The following GRM7 variants were observed in gnomAD, a reference collection of about 807,000 sequenced individuals.
GRM7 encodes the protein metabotropic glutamate receptor 7.
Under a neutral mutation model 84.5 loss-of-function variants are expected in GRM7, and 35 were observed. That is an observed-to-expected ratio of 0.41 (90% CI 0.32 to 0.55). The LOEUF (loss-of-function observed/expected upper bound fraction) is 0.55, where lower values mean the gene tolerates loss of function less well. Among genes scored for constraint, GRM7 ranks in the 20% least tolerant of loss-of-function variants. The pLI is 0.19. For synonymous variants in GRM7, 487 were observed against 455.1 expected (o/e 1.07, Z -0.89); for missense variants, 1,003 against 1,194.6 (o/e 0.84, Z 2.36).
At chr3:7,067,279 T>C (rs992158267) in intron 1 of GRM7, among the ~76,000 whole-genome samples, 1 of 151,876 alleles carries the variant, frequency 6.6e-6, no homozygotes, top group African/African-American at 2.4e-5. Flanking sequence ...CCCTACGGAC[T>C]CCTCCAGAAA....
At chr3:7,584,073 G>C (rs907359162) in intron 8 of GRM7, among the ~76,000 whole-genome samples, 3 of 152,182 alleles carry the variant, frequency 2.0e-5, no homozygotes, top group African/African-American at 7.2e-5. Flanking sequence ...CTGAAATTTA[G>C]AGGCAGAAAA....
chr3:6,949,756 G>T (rs752316577), intron 1 of GRM7, among the ~76,000 whole-genome samples: 1 of 151,946 alleles, frequency 6.6e-6, no homozygotes, highest in East Asian at 1.9e-4. Context: ...TGTTTGTTTC[G>T]TTTTATTCTT....
chr3:7,009,556 G>A (rs1695299451), intron 1 of GRM7, among the ~76,000 whole-genome samples: 1 of 152,238 alleles, frequency 6.6e-6, no homozygotes, highest in African/African-American at 2.4e-5. Flanking sequence ...ATTTCTGGGG[G>A]ACTCTTTCAA....
At position 7,480,083 on chromosome 3, in the gene GRM7, C is replaced by T. The variant is rs75240184; in HGVS notation, c.1515+18361C>T. The stretch of plus-strand genomic sequence containing the variant: ...TAGTGAAGGTCTCCTGTGTGCACTG[C>T]TTTGTTCTCAGAGCTGTTGAGAGAC... On this transcript the variant is annotated intron_variant, in intron 7 of 9. Transcript: ENST00000357716. 3.3e-3 allele frequency among the ~76,000 whole-genome samples: 495 copies of T among 152,028 alleles called. 6 individuals are homozygous for T. Among genetic ancestry groups the T allele is most frequent in the African/African-American group, 0.012 (479 of 41,304 alleles).
intron 4 of GRM7, among the ~76,000 whole-genome samples, chr3:7,327,680 C>T (rs1190311049): frequency 6.6e-6 from 1 of 152,148 alleles, no homozygotes; most frequent in African/African-American, 2.4e-5. Flanking sequence ...CCAACTTTTG[C>T]TCTTTAATCT....
intron 1 of GRM7, among the ~76,000 whole-genome samples, chr3:7,139,822 G>C (rs181510479): frequency 1.5e-4 from 23 of 151,896 alleles, no homozygotes; most frequent in Non-Finnish European, 2.7e-4. Context: ...AATAAATGAG[G>C]CTTCATCAAA....
chr3:6,977,084 C>G (rs937253282), intron 1 of GRM7, among the ~76,000 whole-genome samples: 11 of 152,148 alleles, frequency 7.2e-5, no homozygotes, highest in African/African-American at 2.7e-4. Flanking sequence ...TGTCCAAGCA[C>G]CATGGCATAT....
Position 7,298,670 on chromosome 3 carries a change from C to T in GRM7, c.737-14C>T, listed in dbSNP as rs893652505. On this transcript the variant is annotated splice_polypyrimidine_tract_variant and intron_variant, in intron 2 of 9. Coordinates refer to ENST00000357716, the MANE Select transcript of GRM7 (RefSeq NM_000844.4). Reference sequence around the variant, plus strand: ...GGAAACATTATTGACACTATGTTTTCTTCTCTTAAACAGGTGGACTCTGCA... The same window carrying T: ...GGAAACATTATTGACACTATGTTTTTTTCTCTTAAACAGGTGGACTCTGCA... 15 of 1,610,258 alleles carry T rather than the reference C, an allele frequency of 9.3e-6. No individual in the cohort carries two copies. Among genetic ancestry groups the T allele is most frequent in the Non-Finnish European group, 1.2e-5 (14 of 1,177,472 alleles).
chr3:7,533,991 T>G (rs1701142996), intron 7 of GRM7, among the ~76,000 whole-genome samples: 4 of 151,102 alleles, frequency 2.6e-5, no homozygotes, highest in Admixed American at 6.7e-5. Flanking sequence ...ATTTAAAATG[T>G]GGCATAGAAA....
rs535540794 is a variant in GRM7, at chr3:7,726,967, C to G, written c.2699-13390C>G. 1.7e-4 allele frequency among the ~76,000 whole-genome samples: 26 copies of G among 151,424 alleles called. No homozygotes were observed. The South Asian group carries it at 5.2e-3, about 30-fold the overall frequency. ...ACAGTCTCATCACATTTTGTTTTGT[C>G]TTTTACAGCGTTGAAATATTTGAAA... On this transcript the variant is annotated intron_variant, in intron 9 of 9. Coordinates refer to ENST00000357716, the MANE Select transcript of GRM7 (RefSeq NM_000844.4).
chr3:6,935,455 G>A (rs1697653576), intron 1 of GRM7, among the ~76,000 whole-genome samples: 1 of 151,244 alleles, frequency 6.6e-6, no homozygotes, highest in African/African-American at 2.4e-5. Flanking sequence ...CCCACCCTAA[G>A]AGAAACATTG....
chr3:7,435,851 CTTTTTT>C (rs34860272), intron 5 of GRM7, among the ~76,000 whole-genome samples: 1 of 89,270 alleles, frequency 1.1e-5, no homozygotes, highest in Non-Finnish European at 2.1e-5. Context: ...CCACACCCAT[CTTTTTT>C]TTTTTTTTTT....
chr3:7,577,168 G>A lies in GRM7; in HGVS notation c.1516-1254G>A, dbSNP rs540872294. On this transcript the variant is annotated intron_variant, in intron 7 of 9. Coordinates refer to ENST00000357716, the MANE Select transcript of GRM7 (RefSeq NM_000844.4). ...CCTGGGACATAATGATGCCATCTCT[G>A]ACCCAATATCTGTGGCTAGGAGGTT... is the stretch of plus-strand genomic sequence containing the variant. Among the ~76,000 whole-genome samples the A allele has an allele frequency of 7.2e-5, 11 of 152,262 alleles. No homozygotes were observed. The South Asian group carries it at 2.3e-3, about 32-fold the overall frequency.
At chr3:7,021,005 A>G (rs1282465275) in intron 1 of GRM7, among the ~76,000 whole-genome samples, 3 of 152,190 alleles carry the variant, frequency 2.0e-5, no homozygotes, top group Non-Finnish European at 4.4e-5. Context: ...CATTTTTAAT[A>G]TAATACACAC....
At chr3:7,573,586 T>G (rs546013243) in intron 7 of GRM7, among the ~76,000 whole-genome samples, 1 of 152,202 alleles carries the variant, frequency 6.6e-6, no homozygotes, top group Non-Finnish European at 1.5e-5. Context: ...AAAATTCCAG[T>G]GATTATAAGG....
At chr3:7,069,466 G>A (rs1697786335) in intron 1 of GRM7, among the ~76,000 whole-genome samples, 1 of 152,114 alleles carries the variant, frequency 6.6e-6, no homozygotes, top group South Asian at 2.1e-4. Context: ...GAAAGTAAGA[G>A]AATTGAGTTA....
chr3:7,570,029 A>G (rs1694562632), intron 7 of GRM7, among the ~76,000 whole-genome samples: 1 of 152,150 alleles, frequency 6.6e-6, no homozygotes, highest in South Asian at 2.1e-4. Flanking sequence ...TAAAACCATC[A>G]GATCTCATGA....
At chr3:6,971,356 C>T (rs765487781) in intron 1 of GRM7, among the ~76,000 whole-genome samples, 1 of 152,154 alleles carries the variant, frequency 6.6e-6, no homozygotes, top group Non-Finnish European at 1.5e-5. Flanking sequence ...GTTGCAAGTA[C>T]AGTCCGAAGA....
chr3:7,528,827 A>G (rs997023320), intron 7 of GRM7, among the ~76,000 whole-genome samples: 2 of 151,908 alleles, frequency 1.3e-5, no homozygotes, highest in African/African-American at 4.8e-5. Flanking sequence ...TGTGGTTTTG[A>G]GAGTGCCTTT....
Sources: allele counts gnomAD v4.1 joint callset (sites outside exome capture counted in the v4.1 genomes callset), GRCh38; gene constraint gnomAD v4.1.1; transcripts MANE v1.5; gene names NCBI Gene and HGNC (gene_info 2026-07-23, HGNC 2026-07-21).